HDAC9: variants seen among roughly 807,000 people sequenced by gnomAD.
The protein encoded by HDAC9 is MEF-2 interacting transcription repressor (MITR) protein.
A neutral mutation model predicts 139.4 loss-of-function variants in HDAC9; 41 were observed. The observed-to-expected ratio is 0.29, with a 90% CI of 0.23 to 0.38. The LOEUF (loss-of-function observed/expected upper bound fraction) is 0.38, where lower values mean the gene tolerates loss of function less well. Among genes scored for constraint, HDAC9 ranks in the 10% least tolerant of loss-of-function variants. The pLI is 1.00. For synonymous variants in HDAC9, 517 were observed against 476.2 expected (o/e 1.09, Z -1.12); for missense variants, 1,147 against 1,297.0 (o/e 0.88, Z 1.78).
chr7:18,578,752 T>C (rs1826834283), intron 2 of HDAC9, among the ~76,000 whole-genome samples: 2 of 152,210 alleles, frequency 1.3e-5, no homozygotes, highest in South Asian at 4.1e-4. Flanking sequence ...CAACATGAGA[T>C]GGTATGATTA....
At position 18,835,737 on chromosome 7, in the gene HDAC9, C is replaced by G; in HGVS notation, c.2586+151C>G. 4 of 1,133,808 alleles carry G rather than the reference C, an allele frequency of 3.5e-6. No homozygotes were observed. The South Asian group carries it at 5.4e-5, about 15-fold the overall frequency. 70.2% of individuals were successfully genotyped at this position (1,133,808 alleles called of 1,614,324 possible). ...CATGGGACCAAGAACCAGTGCAGAA[C>G]AAGTGCATAACCCAGAGCACTGTTT... is the stretch of plus-strand genomic sequence containing the variant. On this transcript the variant is annotated intron_variant, in intron 20 of 25. Transcript: ENST00000686413.
At chr7:18,234,223 C>G (rs1337047509) in intron 2 of HDAC9, among the ~76,000 whole-genome samples, 1 of 152,114 alleles carries the variant, frequency 6.6e-6, no homozygotes, top group Non-Finnish European at 1.5e-5. Flanking sequence ...GGGCCAAAAC[C>G]AAGAACACAT....
chr7:18,171,454 T>C (rs1191786851), intron 2 of HDAC9, among the ~76,000 whole-genome samples: 4 of 152,188 alleles, frequency 2.6e-5, no homozygotes, highest in African/African-American at 9.7e-5. Flanking sequence ...TCTTGCCTGA[T>C]TGCGCTGGCC....
At chr7:18,956,683 C>G (rs141233500) in intron 24 of HDAC9, among the ~76,000 whole-genome samples, 24 of 152,248 alleles carry the variant, frequency 1.6e-4, no homozygotes, top group African/African-American at 4.6e-4. Flanking sequence ...ATTCATGAAT[C>G]TTTGCCACCA....
intron 2 of HDAC9, among the ~76,000 whole-genome samples, chr7:18,537,869 A>G (rs929020840): frequency 5.9e-5 from 9 of 152,218 alleles, no homozygotes; most frequent in African/African-American, 2.2e-4. Flanking sequence ...CTTCAGTTTT[A>G]GCCACAAGAG....
chr7:18,602,362 CCTGA>C (rs1223587735), intron 6 of HDAC9, among the ~76,000 whole-genome samples: 2 of 151,756 alleles, frequency 1.3e-5, no homozygotes, highest in Non-Finnish European at 2.9e-5. Context: ...TTCCTGACAG[CCTGA>C]CTGTAGTTTC....
intron 1 of HDAC9, among the ~76,000 whole-genome samples, chr7:18,406,205 T>C (rs1347244310): frequency 6.6e-6 from 1 of 152,172 alleles, no homozygotes; most frequent in African/African-American, 2.4e-5. Flanking sequence ...ATATGACTTT[T>C]CCATAATTGT....
intron 2 of HDAC9, among the ~76,000 whole-genome samples, chr7:18,581,379 A>G (rs1827779448): frequency 6.6e-6 from 1 of 152,160 alleles, no homozygotes; most frequent in African/African-American, 2.4e-5. Context: ...GTCTCTGAAC[A>G]AAGGCAAGCA....
chr7:18,847,514 T>G (rs889163040), intron 21 of HDAC9, among the ~76,000 whole-genome samples: 3 of 152,096 alleles, frequency 2.0e-5, no homozygotes, highest in Non-Finnish European at 2.9e-5. Context: ...CCCTTTGAAG[T>G]GGAAATAAGT....
chr7:18,452,802 G>A (rs1040828960), intron 1 of HDAC9, among the ~76,000 whole-genome samples: 2 of 152,114 alleles, frequency 1.3e-5, no homozygotes, highest in Non-Finnish European at 2.9e-5. Flanking sequence ...TCCTTCACGT[G>A]TCACTGTGAT....
chr7:18,171,725 T>G (rs1788463295), intron 2 of HDAC9, among the ~76,000 whole-genome samples: 1 of 152,212 alleles, frequency 6.6e-6, no homozygotes, highest in Non-Finnish European at 1.5e-5. Context: ...TGTCATTGGT[T>G]CTGTTTATGT....
At chr7:18,773,165 C>A (rs1246485226) in intron 16 of HDAC9, among the ~76,000 whole-genome samples, 2 of 151,980 alleles carry the variant, frequency 1.3e-5, no homozygotes, top group African/African-American at 2.4e-5. Flanking sequence ...ATTGCTTTGA[C>A]ATTATGGCTA....
intron 2 of HDAC9, among the ~76,000 whole-genome samples, chr7:18,561,977 A>G (rs1820762707): frequency 6.6e-6 from 1 of 152,154 alleles, no homozygotes; most frequent in Non-Finnish European, 1.5e-5. Flanking sequence ...GCTGGCTCGT[A>G]AGTACTTGCC....
chr7:18,466,821 C>T (rs949676836), intron 1 of HDAC9, among the ~76,000 whole-genome samples: 4 of 152,132 alleles, frequency 2.6e-5, no homozygotes, highest in Non-Finnish European at 4.4e-5. Context: ...TGTGGTCTGC[C>T]CACTGCCATG....
chr7:18,322,224 C>G (rs1385924428), intron 1 of HDAC9, among the ~76,000 whole-genome samples: 6 of 152,080 alleles, frequency 3.9e-5, no homozygotes, highest in African/African-American at 1.4e-4. Context: ...TTTTCTAGTC[C>G]CATACTTTAG....
At chr7:18,153,852 A>G (rs1584356971) in intron 1 of HDAC9, among the ~76,000 whole-genome samples, 1 of 152,126 alleles carries the variant, frequency 6.6e-6, no homozygotes, top group Non-Finnish European at 1.5e-5. Context: ...GTTTCCTTCT[A>G]CATTGTGTGG....
chr7:18,573,424 G>C (rs535307802), intron 2 of HDAC9, among the ~76,000 whole-genome samples: 2 of 152,368 alleles, frequency 1.3e-5, no homozygotes, highest in Middle Eastern at 6.8e-3. Flanking sequence ...TTTGTGTCTA[G>C]GGATCGCTAG....
intron 17 of HDAC9, among the ~76,000 whole-genome samples, chr7:18,794,014 G>C (rs939330499): frequency 6.6e-6 from 1 of 152,018 alleles, no homozygotes; most frequent in African/African-American, 2.4e-5. Flanking sequence ...TTTCTACATC[G>C]TATGAAAAGA....
chr7:18,452,216 C>CCT (rs751779873), intron 1 of HDAC9, among the ~76,000 whole-genome samples: 7 of 152,244 alleles, frequency 4.6e-5, no homozygotes, highest in Middle Eastern at 3.4e-3. Flanking sequence ...ACTCCCTGAG[C>CCT]CTCATGTAGT....
Sources: allele counts gnomAD v4.1 joint callset (sites outside exome capture counted in the v4.1 genomes callset), GRCh38; gene constraint gnomAD v4.1.1; transcripts MANE v1.5; gene names NCBI Gene and HGNC (gene_info 2026-07-23, HGNC 2026-07-21).